ATP9A: variants seen among roughly 807,000 people sequenced by gnomAD.
The protein encoded by ATP9A is probable phospholipid-transporting ATPase IIA.
A neutral mutation model predicts 144.1 loss-of-function variants in ATP9A; 52 were observed. The ratio of observed to expected loss-of-function variants is 0.36; its 90% confidence interval spans 0.29 to 0.45. ATP9A has a LOEUF of 0.45. Among genes scored for constraint, ATP9A ranks in the 20% least tolerant of loss-of-function variants. ATP9A has a pLI of 1.00. For synonymous variants in ATP9A, 582 were observed against 557.4 expected, an observed-to-expected ratio of 1.04 and a Z score of -0.62; for missense variants, 947 against 1,392.7, an observed-to-expected ratio of 0.68 and a Z score of 5.09.
At chr20:51,677,893 A>C (rs1821085121) in intron 9 of ATP9A, among the ~76,000 whole-genome samples, 1 of 152,130 alleles carries the variant, frequency 6.6e-6, no homozygotes, top group Non-Finnish European at 1.5e-5. Context: ...ATTGGCAAAA[A>C]TCCTGTGGTA....
chr20:51,638,967 G>C (rs901324937), intron 15 of ATP9A, among the ~76,000 whole-genome samples: 8 of 152,034 alleles, frequency 5.3e-5, no homozygotes, highest in Non-Finnish European at 1.2e-4. Context: ...TGGTGGCTGA[G>C]CAACACTGTG....
At chr20:51,720,789 G>C (rs997974041) in intron 3 of ATP9A, among the ~76,000 whole-genome samples, 5 of 152,056 alleles carry the variant, frequency 3.3e-5, no homozygotes, top group African/African-American at 1.2e-4. Flanking sequence ...AGCCGATATC[G>C]CGCCATTGCA....
intron 23 of ATP9A, among the ~76,000 whole-genome samples, chr20:51,610,561 C>T (rs1465411906): frequency 6.6e-6 from 1 of 152,152 alleles, no homozygotes; most frequent in Non-Finnish European, 1.5e-5. Flanking sequence ...ATCTCCAGAG[C>T]AGCCCACAGG....
intron 26 of ATP9A, among the ~76,000 whole-genome samples, chr20:51,607,142 C>T (rs936041818): frequency 6.6e-6 from 1 of 152,178 alleles, no homozygotes; most frequent in Admixed American, 6.5e-5. Flanking sequence ...AACGCCTCCA[C>T]AGTCTGGGAA....
intron 9 of ATP9A, among the ~76,000 whole-genome samples, chr20:51,678,340 G>A (rs1395831742): frequency 6.6e-6 from 1 of 152,258 alleles, no homozygotes; most frequent in Admixed American, 6.5e-5. Flanking sequence ...CCACTGTCAG[G>A]AGATACAAAA....
chr20:51,628,035 C>T (rs148622202), intron 16 of ATP9A, among the ~76,000 whole-genome samples: 1 of 152,302 alleles, frequency 6.6e-6, no homozygotes, highest in East Asian at 1.9e-4. Flanking sequence ...CAAATAACCA[C>T]AATCAATGAT....
chr20:51,747,105 T>A (rs1410473275), intron 1 of ATP9A, among the ~76,000 whole-genome samples: 1 of 145,820 alleles, frequency 6.9e-6, no homozygotes, highest in Non-Finnish European at 1.5e-5. Context: ...TTCGTTTTTT[T>A]TTTTTTTTTT....
At position 51,752,048 on chromosome 20, in the gene ATP9A, A is replaced by C. The variant is rs201090510; in HGVS notation, c.68+16254T>G. On this transcript the variant is annotated intron_variant, in intron 1 of 27. Coordinates refer to ENST00000338821, the MANE Select transcript of ATP9A (RefSeq NM_006045.3). ...TTTTGTAGGTGGGCAAGGTAGGAACAACAACAAAAAAAAAAAAACAAGAAA... is the reference window on the plus strand; with the variant it reads ...TTTTGTAGGTGGGCAAGGTAGGAACCACAACAAAAAAAAAAAAACAAGAAA... Among the ~76,000 whole-genome samples the C allele has an allele frequency of 3.9e-5, 3 of 76,760 alleles. No homozygotes were observed. In the East Asian group the frequency reaches 1.8e-3, roughly 47 times the overall value. 50.4% of individuals were successfully genotyped at this position (76,760 alleles called of 152,430 possible).
chr20:51,736,624 G>C (rs987850178), intron 1 of ATP9A, among the ~76,000 whole-genome samples: 2 of 151,928 alleles, frequency 1.3e-5, no homozygotes, highest in African/African-American at 4.8e-5. Context: ...CTGAGAGCTG[G>C]GATTACAGGC....
intron 22 of ATP9A, among the ~76,000 whole-genome samples, chr20:51,615,941 T>G (rs995691111): frequency 5.9e-5 from 9 of 152,128 alleles, no homozygotes; most frequent in African/African-American, 9.7e-5. Context: ...TGGCCTAGAT[T>G]CTTTTAATTT....
At chr20:51,762,647 G>C (rs867706790) in intron 1 of ATP9A, among the ~76,000 whole-genome samples, 1 of 150,850 alleles carries the variant, frequency 6.6e-6, no homozygotes, top group Non-Finnish European at 1.5e-5. Flanking sequence ...TGACAAGAGC[G>C]AGACCCTGTC....
chr20:51,727,307 C>T (rs1352654500), intron 2 of ATP9A, among the ~76,000 whole-genome samples: 2 of 151,610 alleles, frequency 1.3e-5, no homozygotes, highest in African/African-American at 4.8e-5. Context: ...ACAGCATGTC[C>T]AGACGTGGTG....
intron 3 of ATP9A, among the ~76,000 whole-genome samples, chr20:51,718,815 A>C (rs1461673312): frequency 4.0e-4 from 2 of 4,952 alleles, no homozygotes; most frequent in Non-Finnish European, 7.3e-4. Flanking sequence ...ACTCCATCTC[A>C]AAAAAAAAAA....
chr20:51,618,760 T>C lies in ATP9A; in HGVS notation c.2252A>G (p.Gln751Arg). The change falls in exon 21 of 28, where the codon CAG becomes CGG. Residue 751 changes from glutamine to arginine, a missense_variant. Coordinates refer to ENST00000338821, the MANE Select transcript of ATP9A (RefSeq NM_006045.3). ...YEYEFMELACQCPAVVCCRCA... is the reference protein window; with the variant it reads ...YEYEFMELACRCPAVVCCRCA... ...TCGGCAGCAGACTACGGCCGGGCAC[T>C]GGCAGGCCAGCTCCATGAACTCGTA... 1 of 1,608,342 alleles carries C rather than the reference T, an allele frequency of 6.2e-7. No homozygotes were observed. Among genetic ancestry groups the C allele is most frequent in the Non-Finnish European group, 8.5e-7 (1 of 1,177,328 alleles).
intron 14 of ATP9A, among the ~76,000 whole-genome samples, chr20:51,643,374 G>A (rs1568799851): frequency 2.0e-5 from 3 of 152,164 alleles, no homozygotes; most frequent in Non-Finnish European, 4.4e-5. Context: ...TTAATTTAAT[G>A]GCTATGCTAT....
At chr20:51,621,955 C>T (rs2122724415) in intron 19 of ATP9A, 119 bp downstream of exon 19, 1 of 859,306 alleles carries the variant, frequency 1.2e-6, no homozygotes, top group East Asian at 2.5e-5. Context: ...GTTGATGCTC[C>T]CCACCCTAGG....
chr20:51,755,391 C>T lies in ATP9A; in HGVS notation c.68+12911G>A, dbSNP rs536880650. ...CGGAGGTTGCAGGGAGCCAAGAACG[C>T]GCCTCTGCACTCCAGCCTGGGTGAA... On this transcript the variant is annotated intron_variant, in intron 1 of 27. Transcript: ENST00000338821. 7.9e-5 allele frequency among the ~76,000 whole-genome samples: 12 copies of T among 151,570 alleles called. No individual in the cohort carries two copies. The South Asian group carries it at 8.4e-4, about 11-fold the overall frequency.
rs931691644 is a variant in ATP9A at position 51,598,840 on chromosome 20, G to T, written c.*2371C>A. 6.6e-6 allele frequency: 1 copy of T among 152,326 alleles called. No individual in the cohort carries two copies. Among genetic ancestry groups the T allele is most frequent in the Non-Finnish European group, 1.5e-5 (1 of 68,090 alleles). The allele number at this position is 152,326 out of a possible 1,614,324, so 9.4% of individuals were successfully genotyped here. ...CTGCCCACTGATGGGATGGGCCAACGACGTGGCAGTTTGCACTTGAGTGTC... is the reference window on the plus strand; with the variant it reads ...CTGCCCACTGATGGGATGGGCCAACTACGTGGCAGTTTGCACTTGAGTGTC... On this transcript the variant is annotated 3_prime_UTR_variant, in exon 28 of 28. Transcript: ENST00000338821.
chr20:51,675,989 T>TAC (rs201876562), intron 10 of ATP9A, 143 bp downstream of exon 10: 73 of 575,036 alleles, frequency 1.3e-4, no homozygotes, highest in African/African-American at 3.2e-4. Flanking sequence ...ATTTATTGCA[T>TAC]ACACACACAC....
Sources: allele counts gnomAD v4.1 joint callset (sites outside exome capture counted in the v4.1 genomes callset), GRCh38; gene constraint gnomAD v4.1.1; transcripts MANE v1.5; gene names NCBI Gene and HGNC (gene_info 2026-07-23, HGNC 2026-07-21).